ZNF25: variants seen among roughly 807,000 people sequenced by gnomAD.
ZNF25 encodes zinc finger protein 25 (KOX 19).
In ZNF25, 21 loss-of-function variants were observed where a neutral mutation model predicts 30.9. The observed-to-expected ratio is 0.68, with a 90% confidence interval of 0.48 to 0.98. The LOEUF (loss-of-function observed/expected upper bound fraction) is 0.98. Ranked by LOEUF, ZNF25 falls within the 50% of genes least tolerant of loss-of-function variation. The pLI is 0.00. For synonymous variants in ZNF25, 169 were observed against 181.3 expected, an observed-to-expected ratio of 0.93 and a Z score of 0.55; for missense variants, 501 against 529.9, an observed-to-expected ratio of 0.95 and a Z score of 0.54.
At chr10:37,958,878 T>C (rs770322491) in intron 2 of ZNF25, among the ~76,000 whole-genome samples, 14 of 151,940 alleles carry the variant, frequency 9.2e-5, no homozygotes, top group Non-Finnish European at 1.5e-4. Flanking sequence ...CAAATCCCCA[T>C]CTCTACTAAA....
chr10:37,960,623 CAA>C (rs201582068), intron 2 of ZNF25, among the ~76,000 whole-genome samples: 3 of 65,722 alleles, frequency 4.6e-5, no homozygotes, highest in African/African-American at 6.8e-5. Context: ...GACTCCATCT[CAA>C]AAAAAAAAAA....
chr10:37,963,811 C>T (rs1032178763), intron 2 of ZNF25, among the ~76,000 whole-genome samples: 26 of 152,082 alleles, frequency 1.7e-4, no homozygotes, highest in Non-Finnish European at 3.7e-4. Context: ...CCTGTCTCTA[C>T]TAAAAATACA....
intron 4 of ZNF25, 99 bp downstream of exon 4, chr10:37,956,921 A>AC (rs918406524): frequency 1.1e-6 from 1 of 874,254 alleles, no homozygotes; most frequent in African/African-American, 1.7e-5. Context: ...GTTTCAAAAA[A>AC]AAAAAAAAAA....
intron 1 of ZNF25, 47 bp downstream of exon 1, chr10:37,976,459 G>C (rs1273109138): frequency 1.3e-5 from 2 of 152,256 alleles, no homozygotes; most frequent in African/African-American, 2.4e-5. Context: ...CCAGGCTCGA[G>C]ACCCCGCCTC....
Position 37,952,133 on chromosome 10 carries a change from C to A in ZNF25, c.1365G>T (p.Glu455Asp). Reference protein sequence around the residue: ...QKTHTKKRNAEK With the variant: ...QKTHTKKRNADK ...GAGAATTTCCCAACTCATCTTACTT[C>A]TCAGCATTCCTCTTCTTTGTGTGTG... The change falls in exon 6 of 6, where the codon GAG becomes GAT. Residue 455 changes from glutamate (E) to aspartate (D), a missense_variant. Physicochemically the swap from Glu to Asp is conservative, Grantham distance 45. Coordinates refer to ENST00000302609, the MANE Select transcript of ZNF25 (RefSeq NM_145011.4). 1 of 1,556,470 alleles carries A rather than the reference C, an allele frequency of 6.4e-7. No individual in the cohort carries two copies. The highest frequency in any genetic ancestry group is 8.7e-7 in the Non-Finnish European group (1 of 1,154,268).
rs553108627 is a variant in ZNF25, at chr10:37,961,219, T to C, written c.16-3673A>G. ...ACAATACAAAAAGAGAAACACAAGA[T>C]TGTGTTATATACACACATGGACATT... On this transcript the variant is annotated intron_variant, in intron 2 of 5. Coordinates refer to ENST00000302609, the MANE Select transcript of ZNF25 (RefSeq NM_145011.4). Among the ~76,000 whole-genome samples, 251 of 152,330 alleles carry C rather than the reference T, an allele frequency of 1.6e-3. 6 individuals are homozygous for C. The highest frequency in any genetic ancestry group is 7.2e-3 in the South Asian group (35 of 4,830).
intron 2 of ZNF25, among the ~76,000 whole-genome samples, chr10:37,962,045 G>T (rs1304164541): frequency 2.0e-5 from 3 of 151,688 alleles, no homozygotes; most frequent in Non-Finnish European, 4.4e-5. Context: ...GACCAGCCTG[G>T]TCAACATGGT....
rs780483779 is a variant in ZNF25, at chr10:37,957,068, T to C, written c.190A>G (p.Lys64Glu). ...PNAVFKLKQGKEPWILEVEFP... is the reference protein window; with the variant it reads ...PNAVFKLKQGEEPWILEVEFP... The stretch of plus-strand genomic sequence containing the variant: ...TCTACTTCTAATATCCATGGCTCTT[T>C]TCCTTGCTTCAACTTGAAGACTGCA... The change falls in exon 4 of 6, where the codon AAA becomes GAA. Residue 64 changes from lysine (K) to glutamate (E), a missense_variant. By Grantham distance (56) the Lys-to-Glu change is moderately conservative. Coordinates refer to ENST00000302609, the MANE Select transcript of ZNF25 (RefSeq NM_145011.4). 1.9e-6 allele frequency: 3 copies of C among 1,614,160 alleles called. No homozygotes were observed. Among genetic ancestry groups the C allele is most frequent in the Non-Finnish European group, 2.5e-6 (3 of 1,180,040 alleles).
At chr10:37,953,336 T>C in intron 5 of ZNF25, 141 bp from the exon 6 acceptor site, 1 of 768,904 alleles carries the variant, frequency 1.3e-6, no homozygotes, top group Non-Finnish European at 2.0e-6. Flanking sequence ...CCATAGGGTT[T>C]CTCCACTGTG....
At chr10:37,960,781 C>G (rs1179486794) in intron 2 of ZNF25, among the ~76,000 whole-genome samples, 1 of 151,836 alleles carries the variant, frequency 6.6e-6, no homozygotes, top group Non-Finnish European at 1.5e-5. Flanking sequence ...GGGAGACTTA[C>G]AAATAAGGGA....
chr10:37,953,558 A>G (rs2062315351), intron 5 of ZNF25, 137 bp downstream of exon 5: 1 of 795,308 alleles, frequency 1.3e-6, no homozygotes, highest in African/African-American at 1.7e-5. Flanking sequence ...TCCCATTTGG[A>G]TTATATTCCT....
At chr10:37,968,169 T>C (rs997068766) in intron 2 of ZNF25, among the ~76,000 whole-genome samples, 2 of 152,036 alleles carry the variant, frequency 1.3e-5, no homozygotes, top group Admixed American at 6.5e-5. Flanking sequence ...GCAATTCTCC[T>C]GCCTCAGCCT....
At chr10:37,961,066 A>AAAC (rs894336557) in intron 2 of ZNF25, among the ~76,000 whole-genome samples, 1 of 152,146 alleles carries the variant, frequency 6.6e-6, no homozygotes, top group African/African-American at 2.4e-5. Flanking sequence ...CTCACTTAAA[A>AAAC]AACAACAACA....
At chr10:37,968,464 T>C (rs945629775) in intron 2 of ZNF25, among the ~76,000 whole-genome samples, 2 of 151,794 alleles carry the variant, frequency 1.3e-5, no homozygotes, top group African/African-American at 4.8e-5. Flanking sequence ...CAAGTGATTC[T>C]CCTGCCTCAG....
intron 2 of ZNF25, among the ~76,000 whole-genome samples, chr10:37,963,128 A>T (rs1779066): frequency 0.063 from 8,968 of 143,470 alleles, 342 homozygotes; most frequent in Middle Eastern, 0.1. Flanking sequence ...TTATTTATTT[A>T]TTTTTTGAGA....
intron 1 of ZNF25, among the ~76,000 whole-genome samples, chr10:37,972,109 T>G (rs781700794): frequency 5.9e-5 from 9 of 152,230 alleles, no homozygotes; most frequent in African/African-American, 7.2e-5. Context: ...ATGGAGCCCT[T>G]TGCTGACACT....
chr10:37,966,541 G>A (rs1031552100), intron 2 of ZNF25, among the ~76,000 whole-genome samples: 1 of 152,110 alleles, frequency 6.6e-6, no homozygotes, highest in Non-Finnish European at 1.5e-5. Flanking sequence ...TACAGTCATA[G>A]CAGAAGGTGA....
In ZNF25 at chr10:37,952,156, G is replaced by A; in HGVS notation, c.1342C>T (p.His448Tyr). 3.2e-6 allele frequency: 5 copies of A among 1,580,286 alleles called. No homozygotes were observed. Among genetic ancestry groups the A allele is most frequent in the Non-Finnish European group, 4.3e-6 (5 of 1,165,026 alleles). Reference protein sequence around the residue: ...KSQLTAHQKTHTKKRNAEK With the variant: ...KSQLTAHQKTYTKKRNAEK ...TTCTCAGCATTCCTCTTCTTTGTGT[G>A]TGTCTTCTGATGTGCAGTGAGTTGT... The change falls in exon 6 of 6, where the codon CAC becomes TAC. Residue 448 changes from histidine to tyrosine, a missense_variant. Physicochemically the swap from His to Tyr is moderately conservative, Grantham distance 83 (BLOSUM62 2). Transcript: ENST00000302609.
chr10:37,961,869 C>T (rs2062896365), intron 2 of ZNF25, among the ~76,000 whole-genome samples: 1 of 139,268 alleles, frequency 7.2e-6, no homozygotes, highest in Non-Finnish European at 1.5e-5. Flanking sequence ...TGTGGTGAGC[C>T]GAGATCATGG....
Sources: gnomAD v4.1 joint callset for allele counts (sites outside exome capture counted in the v4.1 genomes callset) on GRCh38, gnomAD v4.1.1 for gene constraint, MANE v1.5 for transcripts, NCBI Gene and HGNC (gene_info 2026-07-23, HGNC 2026-07-21) for gene names.